SLC12A4: variants seen among roughly 807,000 people sequenced by gnomAD.
SLC12A4 encodes the protein solute carrier family 12 member 4.
Under a neutral mutation model 119.2 loss-of-function variants are expected in SLC12A4, and 84 were observed. That is an observed-to-expected ratio of 0.70 (90% CI 0.59 to 0.85). The LOEUF (loss-of-function observed/expected upper bound fraction) is 0.85, where lower values mean the gene tolerates loss of function less well. Among genes scored for constraint, SLC12A4 ranks in the 40% least tolerant of loss-of-function variants. The pLI, the probability that SLC12A4 is intolerant of heterozygous loss-of-function variation, is 0.00. For missense variants in SLC12A4, 1,298 were observed against 1,476.3 expected (o/e 0.88, Z 1.98); for synonymous variants, 599 against 604.6 (o/e 0.99, Z 0.14).
At chr16:67,967,314 C>T (rs1247431498) in intron 1 of SLC12A4, among the ~76,000 whole-genome samples, 3 of 152,244 alleles carry the variant, frequency 2.0e-5, no homozygotes, top group African/African-American at 7.2e-5. Flanking sequence ...GTGTCAACCA[C>T]ACACTTCCTA....
rs1277190001 is a variant in SLC12A4, at chr16:67,950,056, C to T, written c.1630-138G>A. 7 of 731,150 alleles carry T rather than the reference C, an allele frequency of 9.6e-6. No homozygotes were observed. Among genetic ancestry groups the T allele is most frequent in the Non-Finnish European group, 1.6e-5 (7 of 431,190 alleles). 45.3% of individuals were successfully genotyped at this position (731,150 alleles called of 1,614,324 possible). On this transcript the variant is annotated intron_variant, in intron 12 of 23. Coordinates refer to ENST00000316341, the MANE Select transcript of SLC12A4 (RefSeq NM_005072.5). This position sits in a 1 kb window ranked among gnomAD's most constrained non-coding sequence, Gnocchi z 4.3. ...CCCCTGTGTCTATCCCTATGGGTGT[C>T]ACCAGTCTCCCTGATTCCACCTCAC...
chr16:67,968,108 G>T (rs2030941036), intron 1 of SLC12A4, among the ~76,000 whole-genome samples: 1 of 152,160 alleles, frequency 6.6e-6, no homozygotes, highest in Admixed American at 6.5e-5. Context: ...GCCGGGAAGG[G>T]CCTGAGATGG....
At chr16:67,967,119 C>T (rs1248119248) in intron 1 of SLC12A4, among the ~76,000 whole-genome samples, 2 of 152,206 alleles carry the variant, frequency 1.3e-5, no homozygotes, top group African/African-American at 2.4e-5. Context: ...CTGGGGCACT[C>T]ACACAGCTGT....
rs535014439 is a variant in SLC12A4, at chr16:67,946,405, C to T, written c.2437+33G>A. On this transcript the variant is annotated intron_variant, in intron 18 of 23. Transcript: ENST00000316341. ...CTCCGCCCACTGCCACCTCACTTCA[C>T]CCCTGCCCACCAGGCCCCAGGCCTT... The T allele has an allele frequency of 1.2e-5, 20 of 1,602,870 alleles. No individual in the cohort carries two copies. In the African/African-American group the frequency reaches 1.9e-4, roughly 15 times the overall value.
intron 6 of SLC12A4, among the ~76,000 whole-genome samples, chr16:67,953,028 G>A (rs2030025251): frequency 6.6e-6 from 1 of 151,956 alleles, no homozygotes; most frequent in Non-Finnish European, 1.5e-5. Flanking sequence ...AGTCTCGGAG[G>A]TGGTGGTTGC....
At chr16:67,947,549 C>T (rs1202249223) in intron 15 of SLC12A4, 114 bp from the exon 16 acceptor site, 21 of 1,492,560 alleles carry the variant, frequency 1.4e-5, no homozygotes, top group African/African-American at 2.8e-5. Flanking sequence ...TCCTGAGTTA[C>T]AGTCCCCAGT....
chr16:67,963,317 G>A (rs1223768606), intron 2 of SLC12A4, 148 bp downstream of exon 2: 1 of 488,718 alleles, frequency 2.0e-6, no homozygotes, highest in Middle Eastern at 5.5e-4. Context: ...AAGGGCCAAG[G>A]GAACTGCAGC....
chr16:67,952,809 T>C (rs255057), intron 6 of SLC12A4, among the ~76,000 whole-genome samples: 141,888 of 151,608 alleles, frequency 0.94, 66,472 homozygotes, highest in East Asian at 1. Context: ...AAAAAATAGG[T>C]CAGCGCCGTG....
chr16:67,960,673 G>A (rs988806140), intron 3 of SLC12A4, among the ~76,000 whole-genome samples: 3 of 151,740 alleles, frequency 2.0e-5, no homozygotes, highest in African/African-American at 7.3e-5. Context: ...CAGGGAGTCA[G>A]TGTGTGGAGA....
At chr16:67,948,844 G>C (rs1008247033) in intron 13 of SLC12A4, among the ~76,000 whole-genome samples, 2 of 151,814 alleles carry the variant, frequency 1.3e-5, no homozygotes, top group Non-Finnish European at 2.9e-5. Context: ...GAAGGGGTGT[G>C]GGGGGGTGGA....
intron 5 of SLC12A4, among the ~76,000 whole-genome samples, chr16:67,956,050 G>A (rs1375523315): frequency 6.6e-6 from 1 of 150,790 alleles, no homozygotes; most frequent in Non-Finnish European, 1.5e-5. Context: ...GGTGGTGCAT[G>A]TCTGTAATCC....
At chr16:67,945,711 C>T in intron 21 of SLC12A4, 53 bp downstream of exon 21, 1 of 1,570,516 alleles carries the variant, frequency 6.4e-7, no homozygotes, top group Non-Finnish European at 8.7e-7. Flanking sequence ...GATGCGGTCT[C>T]CAAAGGCCTG....
At position 67,950,779 on chromosome 16, in the gene SLC12A4, C is replaced by G; in HGVS notation, c.1397-68G>C. 6.4e-7 allele frequency: 1 copy of G among 1,554,598 alleles called. No homozygotes were observed. The highest frequency in any genetic ancestry group is 8.7e-7 in the Non-Finnish European group (1 of 1,145,144). ...GTCCCTGAATAGTACCACGTGCCCC[C>G]ACCCCAGCCAGACTACCAGGACACC... On this transcript the variant is annotated intron_variant, in intron 10 of 23. Transcript: ENST00000316341. The surrounding 1 kb of genome is among the most constrained non-coding windows in gnomAD (Gnocchi z 4.3).
At chr16:67,962,902 A>C (rs1412564622) in intron 2 of SLC12A4, 1 of 152,240 alleles carries the variant, frequency 6.6e-6, no homozygotes, top group Non-Finnish European at 1.5e-5. Flanking sequence ...GCAGTGGCTG[A>C]ATGCATGGGT....
chr16:67,950,295 A>G lies in SLC12A4; in HGVS notation c.1629+24T>C, dbSNP rs2151328109. On this transcript the variant is annotated intron_variant, in intron 12 of 23. Coordinates refer to ENST00000316341, the MANE Select transcript of SLC12A4 (RefSeq NM_005072.5). The surrounding 1 kb of genome is among the most constrained non-coding windows in gnomAD (Gnocchi z 4.3). ...GCGAGGGCCTGGGAGCAGCCAGGCC[A>G]TGGGGGAGTGCAGAGGGGCTCACCC... The G allele has an allele frequency of 3.1e-6, 5 of 1,610,210 alleles. No individual in the cohort carries two copies. Among genetic ancestry groups the G allele is most frequent in the Middle Eastern group, 3.5e-4 (2 of 5,790 alleles).
chr16:67,951,546 A>T lies in SLC12A4; in HGVS notation c.1133-242T>A, dbSNP rs935259878. On this transcript the variant is annotated intron_variant, in intron 8 of 23. Transcript: ENST00000316341. The surrounding 1 kb of genome is among the most constrained non-coding windows in gnomAD (Gnocchi z 5.2). ...CAGAGCCCGCCACTGCCCGCCTTCCACAGAGGCCTTTATGGATCCTGTGGG... is the reference window on the plus strand; with the variant it reads ...CAGAGCCCGCCACTGCCCGCCTTCCTCAGAGGCCTTTATGGATCCTGTGGG... The T allele has an allele frequency of 3.3e-6, 2 of 610,720 alleles. No homozygotes were observed. The highest frequency in any genetic ancestry group is 6.0e-5 in the Admixed American group (2 of 33,546). The allele number at this position is 610,720 out of a possible 1,614,324, so 37.8% of individuals were successfully genotyped here.
rs748067442 is a variant in SLC12A4 at position 67,944,981 on chromosome 16, G to A, written c.3167-50C>T. On this transcript the variant is annotated intron_variant, in intron 23 of 23. Coordinates refer to ENST00000316341, the MANE Select transcript of SLC12A4 (RefSeq NM_005072.5). This position sits in a 1 kb window ranked among gnomAD's most constrained non-coding sequence, Gnocchi z 6.6. ...CAACAACAGAATCAACGGGCAACCC[G>A]GGCCACCTGGGCCATGCCCACCCAG... 32 of 1,610,934 alleles carry A rather than the reference G, an allele frequency of 2.0e-5. No homozygotes were observed. The highest frequency in any genetic ancestry group is 1.5e-4 in the Admixed American group (9 of 59,928).
chr16:67,943,715 C>G lies in SLC12A4; in HGVS notation c.*1125G>C, dbSNP rs1050799711. 12 of 566,604 alleles carry G rather than the reference C, an allele frequency of 2.1e-5. No individual in the cohort carries two copies. In the Admixed American group the frequency reaches 2.2e-4, roughly 10 times the overall value. The allele number at this position is 566,604 out of a possible 1,614,324, so 35.1% of individuals were successfully genotyped here. A position where few individuals can be genotyped will look rare whatever the true frequency, so the allele number is the denominator to read the frequency against. ...GCCCCAGCCAAGACCTCAGGCACACCCCGTCCCCCACTCCGCCCCCCCTGG... is the reference window on the plus strand; with the variant it reads ...GCCCCAGCCAAGACCTCAGGCACACGCCGTCCCCCACTCCGCCCCCCCTGG... On this transcript the variant is annotated 3_prime_UTR_variant, in exon 24 of 24. Transcript: ENST00000316341. This position sits in a 1 kb window ranked among gnomAD's most constrained non-coding sequence, Gnocchi z 4.6.
At chr16:67,948,901 C>A (rs1213576089) in intron 13 of SLC12A4, among the ~76,000 whole-genome samples, 1 of 152,154 alleles carries the variant, frequency 6.6e-6, no homozygotes, top group Non-Finnish European at 1.5e-5. Context: ...TGGGATGGAG[C>A]CTGCTCAGGG....
Sources: allele counts gnomAD v4.1 joint callset (sites outside exome capture counted in the v4.1 genomes callset), GRCh38; gene constraint gnomAD v4.1.1; non-coding constraint Gnocchi (gnomAD v3.1); transcripts MANE v1.5; gene names NCBI Gene and HGNC (gene_info 2026-07-23, HGNC 2026-07-21).